The following ZNF10 variants were observed in gnomAD, a reference collection of about 807,000 sequenced individuals.
The protein encoded by ZNF10 is zinc finger protein 10 (KOX 1).
Under a neutral mutation model 12.2 loss-of-function variants are expected in ZNF10, and 8 were observed. That is an observed-to-expected ratio of 0.66 (90% CI 0.39 to 1.18). The LOEUF (loss-of-function observed/expected upper bound fraction) is 1.18, where lower values mean the gene tolerates loss of function less well. ZNF10 is among the 50% of genes most tolerant of loss of function. The pLI, the probability that ZNF10 is intolerant of heterozygous loss-of-function variation, is 0.01. For missense variants in ZNF10, 603 were observed against 678.9 expected (o/e 0.89, Z 1.24); for synonymous variants, 229 against 228.2 (o/e 1.00, Z -0.03).
In ZNF10 at chr12:133,156,924, C is replaced by T. The variant is rs755119930; in HGVS notation, c.1678C>T (p.Leu560Phe). 12 of 1,459,144 alleles carry T rather than the reference C, an allele frequency of 8.2e-6. No homozygotes were observed. Among genetic ancestry groups the T allele is most frequent in the Non-Finnish European group, 1.1e-5 (12 of 1,105,218 alleles). 90.4% of individuals were successfully genotyped at this position (1,459,144 alleles called of 1,614,324 possible). A position where few individuals can be genotyped will look rare whatever the true frequency, so the allele number is the denominator to read the frequency against. The change falls in exon 5 of 5, where the codon CTT (leucine) becomes TTT (phenylalanine). Residue 560 changes from leucine to phenylalanine, a missense_variant. Leu to Phe is a conservative substitution (Grantham distance 22). Transcript: ENST00000248211. ...GACAGCGCTTGTTAATACCTCTAAC[C>T]TTATTGGATACCAGACAAATCATAT... Reference protein sequence around the residue: ...CGTALVNTSNLIGYQTNHIRE... With the variant: ...CGTALVNTSNFIGYQTNHIRE...
In ZNF10 at chr12:133,156,966, TAATA is replaced by T. The variant is rs1261501339; in HGVS notation, c.*3_*6del. 2.1e-6 allele frequency: 3 copies of T among 1,413,122 alleles called. No individual in the cohort carries two copies. The highest frequency in any genetic ancestry group is 1.9e-4 in the Middle Eastern group (1 of 5,270). The allele number at this position is 1,413,122 out of a possible 1,614,324, so 87.5% of individuals were successfully genotyped here. On this transcript the variant is annotated stop_retained_variant and 3_prime_UTR_variant, in exon 5 of 5. Coordinates refer to ENST00000248211, the MANE Select transcript of ZNF10 (RefSeq NM_015394.5). ...AAATCATATTAGAGAAAATGCTTAC[TAATA>T]AATATGGGAATTTTTCACAAAGAGC...
rs1955888060 is a variant in ZNF10 at position 133,132,719 on chromosome 12, G to T, written c.-60+1965G>T. 2.6e-5 allele frequency among the ~76,000 whole-genome samples: 4 copies of T among 152,058 alleles called. No homozygotes were observed. In the South Asian group the frequency reaches 8.3e-4, roughly 31 times the overall value. Reference sequence around the variant, plus strand: ...CCTTTGTCTGTGTATGTGCCTCTTTGACTCGTAATGAACATCCAAGAGCAT... The same window carrying T: ...CCTTTGTCTGTGTATGTGCCTCTTTTACTCGTAATGAACATCCAAGAGCAT... On this transcript the variant is annotated intron_variant, in intron 1 of 4. Transcript: ENST00000248211.
In ZNF10 at chr12:133,151,813, T is replaced by C; in HGVS notation, c.165T>C (p.Tyr55=). 1.9e-6 allele frequency: 3 copies of C among 1,613,356 alleles called. No individual in the cohort carries two copies. Among genetic ancestry groups the C allele is most frequent in the Non-Finnish European group, 2.5e-6 (3 of 1,179,496 alleles). The change falls in exon 4 of 5, where the codon TAT becomes TAC. Residue 55 remains tyrosine, a synonymous_variant. Transcript: ENST00000248211. ...ENYKNLVSLG[Y]QLTKPDVILR... ...TTTGTCTTTCACTGTGAACAGGTTA[T>C]CAGCTTACTAAGCCAGATGTGATCC...
intron 1 of ZNF10, among the ~76,000 whole-genome samples, chr12:133,140,202 CAAAAAAAAAAAAAAAA>C (rs67577219): frequency 2.8e-5 from 1 of 35,202 alleles, no homozygotes; most frequent in Non-Finnish European, 7.0e-5. Context: ...GACCCTGTCT[CAAAAAAAAAAAAAAAA>C]AAAAAAAAAA....
At chr12:133,153,367 T>TA (rs1241221067) in intron 4 of ZNF10, among the ~76,000 whole-genome samples, 1 of 152,162 alleles carries the variant, frequency 6.6e-6, no homozygotes. Flanking sequence ...TATTACATAA[T>TA]ATGTGGAAGA....
intron 2 of ZNF10, among the ~76,000 whole-genome samples, chr12:133,145,692 C>T (rs1445179616): frequency 6.6e-6 from 1 of 151,972 alleles, no homozygotes; most frequent in South Asian, 2.1e-4. Context: ...ATAGTCCTAG[C>T]TACTCCGGAG....
intron 1 of ZNF10, among the ~76,000 whole-genome samples, chr12:133,133,363 C>G (rs1320852052): frequency 2.0e-5 from 3 of 152,126 alleles, no homozygotes; most frequent in Non-Finnish European, 2.9e-5. Context: ...CGAGGTTGTA[C>G]CTGTCAATGT....
At chr12:133,146,334 A>G (rs1479533027) in intron 2 of ZNF10, among the ~76,000 whole-genome samples, 1 of 152,240 alleles carries the variant, frequency 6.6e-6, no homozygotes, top group African/African-American at 2.4e-5. Flanking sequence ...AGGGCAAGAG[A>G]AACCTTTGGT....
chr12:133,145,710 C>T (rs1436245831), intron 2 of ZNF10, among the ~76,000 whole-genome samples: 1 of 151,942 alleles, frequency 6.6e-6, no homozygotes, highest in African/African-American at 2.4e-5. Context: ...GAGGCTGAGG[C>T]AGGAAAATTG....
Position 133,156,247 on chromosome 12 carries a change from C to G in ZNF10, c.1001C>G (p.Ser334Cys), listed in dbSNP as rs1348597399. 6.2e-7 allele frequency: 1 copy of G among 1,614,132 alleles called. No homozygotes were observed. The highest frequency in any genetic ancestry group is 1.1e-5 in the South Asian group (1 of 91,078). ...TGTGGAAAATCCTTCAGCTGGTTCT[C>G]TCACCTTGTTACTCATCAGAGAACT... ...KECGKSFSWF[S>C]HLVTHQRTHT... The change falls in exon 5 of 5, where the codon TCT becomes TGT. Residue 334 changes from serine (S) to cysteine (C), a missense_variant. Coordinates refer to ENST00000248211, the MANE Select transcript of ZNF10 (RefSeq NM_015394.5).
intron 2 of ZNF10, 78 bp from the exon 3 acceptor site, chr12:133,150,950 C>A (rs1424357394): frequency 6.5e-7 from 1 of 1,528,018 alleles, no homozygotes; most frequent in Non-Finnish European, 8.9e-7. Context: ...AGCTTAATTT[C>A]TCTTCCTGTT....
In ZNF10 at chr12:133,155,591, A is replaced by G; in HGVS notation, c.345A>G (p.Gly115=). The part of the protein sequence containing the change: ...DKQSCDIKME[G]MARNDLWYLS... ...AATCCTGTGACATTAAAATGGAAGGAATGGCAAGGAATGATCTCTGGTATT... is the reference window on the plus strand; with the variant it reads ...AATCCTGTGACATTAAAATGGAAGGGATGGCAAGGAATGATCTCTGGTATT... Residue 115 remains glycine, a synonymous_variant, in exon 5 of 5, where the codon GGA becomes GGG. Coordinates refer to ENST00000248211, the MANE Select transcript of ZNF10 (RefSeq NM_015394.5). 6.2e-7 allele frequency: 1 copy of G among 1,613,728 alleles called. No homozygotes were observed. The highest frequency in any genetic ancestry group is 8.5e-7 in the Non-Finnish European group (1 of 1,179,910).
intron 1 of ZNF10, among the ~76,000 whole-genome samples, chr12:133,140,524 T>G (rs1413596401): frequency 1.3e-5 from 2 of 151,598 alleles, no homozygotes; most frequent in African/African-American, 4.9e-5. Context: ...AATAACCCTA[T>G]GAGGTCAATA....
intron 1 of ZNF10, among the ~76,000 whole-genome samples, chr12:133,138,320 T>G (rs1408609094): frequency 6.6e-6 from 1 of 150,984 alleles, no homozygotes; most frequent in Non-Finnish European, 1.5e-5. Flanking sequence ...CTTACTGTAG[T>G]TTTGTTTTTT....
chr12:133,149,666 TTTTC>T (rs1299414693), intron 2 of ZNF10, among the ~76,000 whole-genome samples: 1 of 151,964 alleles, frequency 6.6e-6, no homozygotes, highest in East Asian at 1.9e-4. Flanking sequence ...TGCTTTTTTT[TTTTC>T]TTGATAAAGT....
chr12:133,150,956 C>T (rs1407980578), intron 2 of ZNF10, 72 bp from the exon 3 acceptor site: 1 of 1,539,764 alleles, frequency 6.5e-7, no homozygotes, highest in African/African-American at 1.4e-5. Flanking sequence ...ATTTCTCTTC[C>T]TGTTAGCGAT....
Position 133,156,059 on chromosome 12 carries a change from A to G in ZNF10, c.813A>G (p.Gly271=). ...REKPYECKEC[G]KFFSWRSNLT... ...AACCCTATGAATGTAAGGAATGTGG[A>G]AAATTCTTCAGCTGGCGCTCTAATC... The change falls in exon 5 of 5, where the codon GGA becomes GGG. Residue 271 remains glycine (G), a synonymous_variant. Transcript: ENST00000248211. The G allele has an allele frequency of 1.9e-6, 3 of 1,613,480 alleles. No homozygotes were observed. Among genetic ancestry groups the G allele is most frequent in the Non-Finnish European group, 2.5e-6 (3 of 1,179,946 alleles).
chr12:133,144,639 T>C, intron 2 of ZNF10, 114 bp downstream of exon 2: 1 of 1,121,062 alleles, frequency 8.9e-7, no homozygotes, highest in Non-Finnish European at 1.3e-6. Flanking sequence ...AATTAGGTTT[T>C]TGTTTTGTTT....
chr12:133,155,077 A>AG (rs200183607), intron 4 of ZNF10, among the ~76,000 whole-genome samples: 93 of 123,266 alleles, frequency 7.5e-4, no homozygotes, highest in African/African-American at 3.4e-3. Flanking sequence ...AAACTGTCTC[A>AG]AAAAAAAAAA....
Sources: allele counts gnomAD v4.1 joint callset (sites outside exome capture counted in the v4.1 genomes callset), GRCh38; gene constraint gnomAD v4.1.1; transcripts MANE v1.5; gene names NCBI Gene and HGNC (gene_info 2026-07-23, HGNC 2026-07-21).